The following NOL4 variants were observed in gnomAD, a reference collection of about 807,000 sequenced individuals.
NOL4 encodes cancer/testis antigen 125.
Under a neutral mutation model 75.9 loss-of-function variants are expected in NOL4, and 17 were observed. The ratio of observed to expected loss-of-function variants is 0.22; its 90% CI spans 0.15 to 0.34. The LOEUF (loss-of-function observed/expected upper bound fraction) is 0.34. Among genes scored for constraint, NOL4 ranks in the 10% least tolerant of loss-of-function variants. The pLI is 1.00. For synonymous variants in NOL4, 292 were observed against 289.9 expected (o/e 1.01, Z -0.07); for missense variants, 614 against 793.5 (o/e 0.77, Z 2.72).
At chr18:34,208,642 A>T (rs968406449) in intron 1 of NOL4, among the ~76,000 whole-genome samples, 3 of 152,044 alleles carry the variant, frequency 2.0e-5, no homozygotes, top group African/African-American at 7.2e-5. Context: ...GGATCACCTA[A>T]GGTCAGGAGT....
At chr18:34,106,962 G>C (rs1244885670) in intron 2 of NOL4, among the ~76,000 whole-genome samples, 1 of 151,958 alleles carries the variant, frequency 6.6e-6, no homozygotes, top group Non-Finnish European at 1.5e-5. Flanking sequence ...TAGGATTTTA[G>C]GTAAAGGCTC....
intron 8 of NOL4, among the ~76,000 whole-genome samples, 167 bp from the exon 9 acceptor site, chr18:33,943,345 A>C (rs1222910012): frequency 2.6e-5 from 4 of 151,706 alleles, no homozygotes; most frequent in Middle Eastern, 3.2e-3. Flanking sequence ...GTAAAGATGA[A>C]AAATGAAAGC....
chr18:34,217,395 C>A (rs367878299), intron 1 of NOL4, among the ~76,000 whole-genome samples: 5 of 151,990 alleles, frequency 3.3e-5, no homozygotes, highest in South Asian at 2.1e-4. Context: ...AGCAATTCTC[C>A]TGCCTCAGCC....
At chr18:34,004,536 T>A (rs987740719) in intron 6 of NOL4, among the ~76,000 whole-genome samples, 16 of 152,120 alleles carry the variant, frequency 1.1e-4, no homozygotes, top group African/African-American at 3.9e-4. Flanking sequence ...ACAGTTCCCA[T>A]ATCCTTAACA....
intron 1 of NOL4, among the ~76,000 whole-genome samples, chr18:34,205,099 T>G (rs1417742840): frequency 1.3e-5 from 2 of 152,148 alleles, no homozygotes; most frequent in Non-Finnish European, 2.9e-5. Flanking sequence ...TGAAAAATGT[T>G]TAAGTCCTGG....
intron 2 of NOL4, among the ~76,000 whole-genome samples, chr18:34,107,783 A>T (rs2079378542): frequency 6.6e-6 from 1 of 152,160 alleles, no homozygotes; most frequent in Non-Finnish European, 1.5e-5. Context: ...ATGGTGAAAT[A>T]GGAGTTTCCA....
Position 34,129,975 on chromosome 18 carries a change from C to T in NOL4, c.310G>A (p.Val104Met). The change falls in exon 2 of 11, where the codon GTG becomes ATG. Residue 104 changes from valine to methionine, a missense_variant. This residue lies in a region of NOL4 where 135 missense variants were observed against 220.4 expected (regional missense o/e 0.61). Transcript: ENST00000261592. ...DEKLSLRRVA[V>M]VEDFFDIIYS... is the part of the protein sequence containing the mutation. ...ATAATGTCAAAGAAATCTTCAACCA[C>T]AGCTACCCGTCGTAAAGATAGCTTC... 6.3e-7 allele frequency: 1 copy of T among 1,596,466 alleles called. No individual in the cohort carries two copies.
chr18:33,978,442 G>C (rs1384400121), intron 6 of NOL4, among the ~76,000 whole-genome samples: 2 of 151,950 alleles, frequency 1.3e-5, no homozygotes, highest in Non-Finnish European at 2.9e-5. Context: ...CCATAAGAAG[G>C]ATTTATCTTC....
At chr18:34,146,293 T>C (rs1019423033) in intron 1 of NOL4, among the ~76,000 whole-genome samples, 1 of 152,146 alleles carries the variant, frequency 6.6e-6, no homozygotes, top group African/African-American at 2.4e-5. Flanking sequence ...AGTCATGAAG[T>C]CTTTGCCTAT....
intron 6 of NOL4, among the ~76,000 whole-genome samples, chr18:34,008,371 G>GTCTATCTATCTATCTATCTATCTATCAA (rs2074166249): frequency 2.7e-5 from 4 of 147,566 alleles, no homozygotes; most frequent in African/African-American, 1.0e-4. Context: ...CTATCTGTCT[G>GTCTATCTATCTATCTATCTATCTATCAA]TCTATCTATC....
At chr18:34,160,553 A>G (rs1207502350) in intron 1 of NOL4, among the ~76,000 whole-genome samples, 1 of 152,206 alleles carries the variant, frequency 6.6e-6, no homozygotes, top group Non-Finnish European at 1.5e-5. Flanking sequence ...GAGAAAATGC[A>G]TAAGGAAATG....
chr18:33,972,444 C>CTA (rs2071146787), intron 6 of NOL4, among the ~76,000 whole-genome samples: 1 of 151,938 alleles, frequency 6.6e-6, no homozygotes, highest in Non-Finnish European at 1.5e-5. Context: ...AGGATGGCAA[C>CTA]TATATATATA....
chr18:33,934,127 G>C (rs1460090939), intron 9 of NOL4, among the ~76,000 whole-genome samples: 1 of 151,920 alleles, frequency 6.6e-6, no homozygotes, highest in Non-Finnish European at 1.5e-5. Flanking sequence ...TTGTCAATGA[G>C]CAGCAATATT....
At chr18:34,064,418 T>C (rs1053231733) in intron 5 of NOL4, among the ~76,000 whole-genome samples, 2 of 151,990 alleles carry the variant, frequency 1.3e-5, no homozygotes, top group African/African-American at 2.4e-5. Flanking sequence ...CCACATTTAC[T>C]ACAACATTAT....
intron 2 of NOL4, 58 bp from the exon 3 acceptor site, chr18:34,105,218 C>A: frequency 9.1e-7 from 1 of 1,101,104 alleles, no homozygotes; most frequent in East Asian, 2.4e-5. Context: ...CATGATTTAA[C>A]AGAAATGATC....
chr18:33,864,521 C>T (rs541109803), intron 10 of NOL4, among the ~76,000 whole-genome samples: 35 of 152,238 alleles, frequency 2.3e-4, no homozygotes, highest in African/African-American at 6.7e-4. Flanking sequence ...TTATCCACAT[C>T]GTTATCAGCA....
intron 6 of NOL4, among the ~76,000 whole-genome samples, chr18:33,965,502 C>T (rs546930280): frequency 1.3e-5 from 2 of 152,228 alleles, no homozygotes; most frequent in East Asian, 3.9e-4. Flanking sequence ...TACGGTTTGG[C>T]TGTGTCCCTA....
intron 6 of NOL4, among the ~76,000 whole-genome samples, chr18:33,969,712 T>G (rs2070888885): frequency 6.8e-6 from 1 of 147,166 alleles, no homozygotes. Flanking sequence ...TTTGGACAAA[T>G]AAGTCACATT....
At chr18:34,151,560 G>GA (rs2081639491) in intron 1 of NOL4, among the ~76,000 whole-genome samples, 1 of 151,650 alleles carries the variant, frequency 6.6e-6, no homozygotes, top group African/African-American at 2.4e-5. Flanking sequence ...GGAAGGGGGG[G>GA]ATTAATAGAC....
Sources: allele counts gnomAD v4.1 joint callset (sites outside exome capture counted in the v4.1 genomes callset), GRCh38; gene constraint gnomAD v4.1.1; regional missense constraint gnomAD v4.1.1; transcripts MANE v1.5; gene names NCBI Gene and HGNC (gene_info 2026-07-23, HGNC 2026-07-21).